HYAL4: variants seen among roughly 807,000 people sequenced by gnomAD.
The protein encoded by HYAL4 is hyaluronidase 4.
Under a neutral mutation model 35.2 loss-of-function variants are expected in HYAL4, and 37 were observed. The observed-to-expected ratio is 1.05, with a 90% confidence interval of 0.81 to 1.38. The LOEUF is 1.38. Among genes scored for constraint, HYAL4 ranks in the 40% most tolerant of loss-of-function variants. HYAL4 has a pLI of 0.00. For synonymous variants in HYAL4, 198 were observed against 203.2 expected, an observed-to-expected ratio of 0.97 and a Z score of 0.22; for missense variants, 572 against 572.4, an observed-to-expected ratio of 1.00 and a Z score of 0.01.
chr7:123,785,981 AC>A, the HYAL4 span, among the ~76,000 whole-genome samples: 1 of 150,390 alleles, frequency 6.6e-6, no homozygotes, highest in South Asian at 2.1e-4. This position sits in a 1 kb window ranked among gnomAD's most constrained non-coding sequence, Gnocchi z 4.5. Flanking sequence ...AACAAAACAA[AC>A]AACTACAACT....
chr7:123,865,170 A>G (rs995872657), intron 2 of HYAL4, among the ~76,000 whole-genome samples: 1 of 152,206 alleles, frequency 6.6e-6, no homozygotes, highest in East Asian at 1.9e-4. Context: ...CAAAGGGGAA[A>G]CAATAGTCAG....
chr7:123,838,357 G>C (rs1329503549), intron 1 of HYAL4, among the ~76,000 whole-genome samples: 1 of 148,484 alleles, frequency 6.7e-6, no homozygotes, highest in Non-Finnish European at 1.5e-5. Flanking sequence ...CTGAAATATT[G>C]CAATGAAAAA....
chr7:123,820,437 G>T, the HYAL4 span, among the ~76,000 whole-genome samples: 1 of 151,866 alleles, frequency 6.6e-6, no homozygotes, highest in African/African-American at 2.4e-5. Flanking sequence ...TACAAAATTA[G>T]CTGGATGTGG....
the HYAL4 span, chr7:123,813,998 T>C: frequency 9.2e-5 from 14 of 152,240 alleles, no homozygotes; most frequent in African/African-American, 3.4e-4. Flanking sequence ...GGCATAGATA[T>C]TAATAAGCCT....
upstream of HYAL4, among the ~76,000 whole-genome samples, chr7:123,827,668 C>T (rs550729794): frequency 2.6e-5 from 4 of 152,196 alleles, no homozygotes; most frequent in South Asian, 8.3e-4. Context: ...TCAGAATTTG[C>T]TATTGCCAAA....
chr7:123,826,643 A>T (rs1424389111), upstream of HYAL4, among the ~76,000 whole-genome samples: 1 of 152,078 alleles, frequency 6.6e-6, no homozygotes, highest in African/African-American at 2.4e-5. Context: ...GATATTTTTA[A>T]TCTGTAAAAA....
chr7:123,820,881 C>G, the HYAL4 span, among the ~76,000 whole-genome samples: 1 of 152,168 alleles, frequency 6.6e-6, no homozygotes, highest in South Asian at 2.1e-4. Context: ...TTAGATACCT[C>G]GTAAGTAGAA....
At chr7:123,813,411 G>T in the HYAL4 span, among the ~76,000 whole-genome samples, 16 of 152,196 alleles carry the variant, frequency 1.1e-4, no homozygotes, top group Non-Finnish European at 2.2e-4. Context: ...TTTATTTAGG[G>T]TTTAACTGCT....
At chr7:123,828,784 G>A (rs927408833), upstream of HYAL4, among the ~76,000 whole-genome samples, 7 of 152,178 alleles carry the variant, frequency 4.6e-5, no homozygotes, top group East Asian at 1.9e-4. Flanking sequence ...TAAAGGCATG[G>A]CTCATTACTC....
chr7:123,801,026 A>G, the HYAL4 span, among the ~76,000 whole-genome samples: 26 of 152,070 alleles, frequency 1.7e-4, no homozygotes, highest in Non-Finnish European at 2.9e-5. Flanking sequence ...TTAAAAATAG[A>G]AGTTTTTCCC....
chr7:123,845,994 G>C (rs1483733552), intron 1 of HYAL4, among the ~76,000 whole-genome samples: 1 of 152,196 alleles, frequency 6.6e-6, no homozygotes, highest in Non-Finnish European at 1.5e-5. Flanking sequence ...AGAGTCCTGT[G>C]ATGTAAACCA....
the HYAL4 span, among the ~76,000 whole-genome samples, chr7:123,786,779 G>A: frequency 6.6e-6 from 1 of 151,308 alleles, no homozygotes; most frequent in Non-Finnish European, 1.5e-5. Flanking sequence ...ACTGTAAAGG[G>A]TATGAATTTG....
At chr7:123,866,789 C>CTTTTTTT (rs1009764748) in intron 2 of HYAL4, among the ~76,000 whole-genome samples, 1 of 134,188 alleles carries the variant, frequency 7.5e-6, no homozygotes, top group Non-Finnish European at 1.6e-5. Context: ...CTTTCTCTCT[C>CTTTTTTT]TTTTTTTTTT....
At chr7:123,789,838 A>G in the HYAL4 span, among the ~76,000 whole-genome samples, 41 of 152,118 alleles carry the variant, frequency 2.7e-4, no homozygotes, top group Non-Finnish European at 5.7e-4. Flanking sequence ...GTGTGTGTGT[A>G]TATATATCCT....
the HYAL4 span, among the ~76,000 whole-genome samples, chr7:123,806,389 A>C: frequency 6.6e-6 from 1 of 151,848 alleles, no homozygotes; most frequent in Non-Finnish European, 1.5e-5. Context: ...CTTGGGAAAT[A>C]CTGCCAATTT....
chr7:123,833,367 G>A lies in HYAL4; in HGVS notation c.-257+4243G>A, dbSNP rs777419966. 4.0e-5 allele frequency among the ~76,000 whole-genome samples: 6 copies of A among 151,626 alleles called. No homozygotes were observed. The South Asian group carries it at 6.3e-4, about 16-fold the overall frequency. On this transcript the variant is annotated intron_variant, in intron 1 of 4. Coordinates refer to the HYAL4 transcript ENST00000489978. ...CATTTTTTCATATGTTTGATGGCCC[G>A]TGTATATCTTCTTTTGATAGTTTTC...
chr7:123,807,799 A>G, the HYAL4 span, among the ~76,000 whole-genome samples: 1 of 151,510 alleles, frequency 6.6e-6, no homozygotes, highest in Non-Finnish European at 1.5e-5. Context: ...TGGCATGATC[A>G]TAGTTCGCGG....
At chr7:123,807,432 G>GTTTTTTTTTTTT in the HYAL4 span, among the ~76,000 whole-genome samples, 54 of 120,772 alleles carry the variant, frequency 4.5e-4, 1 homozygote, top group African/African-American at 1.1e-3. Flanking sequence ...ACTTTTTATG[G>GTTTTTTTTTTTT]TTTTTTTTTT....
At chr7:123,801,113 G>A in the HYAL4 span, among the ~76,000 whole-genome samples, 47 of 152,118 alleles carry the variant, frequency 3.1e-4, no homozygotes, top group Non-Finnish European at 5.0e-4. Context: ...GCAGGAGTTC[G>A]ACACCCACCT....
Sources: allele counts gnomAD v4.1 joint callset (sites outside exome capture counted in the v4.1 genomes callset), GRCh38; gene constraint gnomAD v4.1.1; non-coding constraint Gnocchi (gnomAD v3.1); transcripts MANE v1.5; gene names NCBI Gene and HGNC (gene_info 2026-07-23, HGNC 2026-07-21).